The following KSR1 variants were observed in gnomAD, a reference collection of about 807,000 sequenced individuals.
KSR1 encodes the protein kinase suppressor of ras.
KSR1 carries 35 observed loss-of-function variants against 92.9 expected under a neutral mutation model. The observed-to-expected ratio is 0.38, with a 90% CI of 0.29 to 0.50. The LOEUF (loss-of-function observed/expected upper bound fraction) is 0.50. Ranked by LOEUF, KSR1 falls within the 20% of genes least tolerant of loss-of-function variation. KSR1 has a pLI of 0.94. For missense variants in KSR1, 972 were observed against 1,158.5 expected (o/e 0.84, Z 2.34); for synonymous variants, 467 against 472.6 (o/e 0.99, Z 0.15).
chr17:27,620,250 G>A (rs750255438), intron 19 of KSR1, among the ~76,000 whole-genome samples: 6 of 152,292 alleles, frequency 3.9e-5, no homozygotes, highest in African/African-American at 1.4e-4. Context: ...GTAATGGATC[G>A]TAGCCATAGA....
At chr17:27,576,638 A>G (rs1374889878) in intron 2 of KSR1, among the ~76,000 whole-genome samples, 5 of 152,158 alleles carry the variant, frequency 3.3e-5, no homozygotes, top group Non-Finnish European at 1.5e-5. Flanking sequence ...ACGCTGGACA[A>G]AGGGACAATT....
intron 2 of KSR1, among the ~76,000 whole-genome samples, chr17:27,553,774 C>T (rs1177272494): frequency 1.3e-5 from 2 of 152,240 alleles, no homozygotes; most frequent in Non-Finnish European, 2.9e-5. Context: ...AAAGAAAAGG[C>T]TATTTCCTTT....
At chr17:27,618,489 G>A (rs1461282928) in intron 19 of KSR1, among the ~76,000 whole-genome samples, 1 of 152,188 alleles carries the variant, frequency 6.6e-6, no homozygotes, top group African/African-American at 2.4e-5. Context: ...TGGCTGTAAG[G>A]GGCCAGGTGA....
Position 27,621,220 on chromosome 17 carries a change from A to T in KSR1, c.2655A>T (p.Lys885Asn), listed in dbSNP as rs2074214756. The T allele has an allele frequency of 5.0e-6, 2 of 398,648 alleles. No individual in the cohort carries two copies. Among genetic ancestry groups the T allele is most frequent in the Non-Finnish European group, 8.8e-6 (2 of 226,096 alleles). The allele number at this position is 398,648 out of a possible 1,614,324, so 24.7% of individuals were successfully genotyped here. Residue 885 changes from lysine to asparagine, a missense_variant, in exon 20 of 21, where the codon AAA becomes AAT. Lys to Asn is a moderately conservative substitution (Grantham distance 94). Transcript: ENST00000644974. ...GCTGGAGGAGCCGCTACTATGGAAA[A>T]GGACGCTACGGCCACCCTGACTTTA... ...ADRWRSRYYG[K>N]GRYGHPDFKS...
intron 18 of KSR1, among the ~76,000 whole-genome samples, chr17:27,617,069 A>G (rs1161042170): frequency 6.6e-6 from 1 of 152,158 alleles, no homozygotes; most frequent in Non-Finnish European, 1.5e-5. Flanking sequence ...TGGATCTAAG[A>G]AGGAAGGAGG....
rs60220711 is a variant in KSR1 at position 27,526,042 on chromosome 17, C to CTTTTCTTTTCTTTTCTTTTCT, written c.232-24523_232-24522insTCTTTTCTTTTCTTTTCTTTT. 1.1e-3 allele frequency among the ~76,000 whole-genome samples: 113 copies of CTTTTCTTTTCTTTTCTTTTCT among 105,322 alleles called. 1 individual carries two copies. Among genetic ancestry groups the CTTTTCTTTTCTTTTCTTTTCT allele is most frequent in the Non-Finnish European group, 1.6e-3 (90 of 56,252 alleles). The allele number at this position is 105,322 out of a possible 152,430, so 69.1% of individuals were successfully genotyped here. The stretch of plus-strand genomic sequence containing the variant: ...CTTTTCTTTTCTTTTCTTTTCTTTT[C>CTTTTCTTTTCTTTTCTTTTCT]TTTCTCTCTCTCTCTCTCTCTTTCT... On this transcript the variant is annotated intron_variant, in intron 1 of 20. Coordinates refer to ENST00000644974, the MANE Select transcript of KSR1 (RefSeq NM_001394583.1).
intron 2 of KSR1, among the ~76,000 whole-genome samples, chr17:27,554,134 T>C (rs2071503767): frequency 6.6e-6 from 1 of 152,212 alleles, no homozygotes; most frequent in Middle Eastern, 3.2e-3. Context: ...CAAACCCATG[T>C]CTGTCATGCA....
intron 5 of KSR1, 79 bp downstream of exon 5, chr17:27,585,740 T>C (rs1244098885): frequency 1.4e-6 from 1 of 726,190 alleles, no homozygotes; most frequent in African/African-American, 1.7e-5. Flanking sequence ...GGTGGACCTC[T>C]TTGACCCACC....
chr17:27,461,859 C>CCCGCTGGGTGTGTCTGGAGATGGACCA (rs2019460655), intron 1 of KSR1, among the ~76,000 whole-genome samples: 2 of 150,196 alleles, frequency 1.3e-5, no homozygotes, highest in Admixed American at 1.3e-4. Flanking sequence ...TATTCTACTC[C>CCCGCTGGGTGTGTCTGGAGATGGACCA]TGCCCGCTGG....
rs751786409 is a variant in KSR1, at chr17:27,459,289, G to T, written c.231+2415G>T. Among the ~76,000 whole-genome samples the T allele has an allele frequency of 4.6e-5, 7 of 152,214 alleles. No homozygotes were observed. Among genetic ancestry groups the T allele is most frequent in the Non-Finnish European group, 7.3e-5 (5 of 68,028 alleles). On this transcript the variant is annotated intron_variant, in intron 1 of 20. Coordinates refer to ENST00000644974, the MANE Select transcript of KSR1 (RefSeq NM_001394583.1). The surrounding 1 kb of genome is among the most constrained non-coding windows in gnomAD (Gnocchi z 4.6). ...AGAGTCTGCCTGGCAGCTGCCCCTA[G>T]TGAGGGTCCAGTAGCATTTATGGCA... is the stretch of plus-strand genomic sequence containing the variant.
chr17:27,467,538 A>G (rs945387297), intron 1 of KSR1, among the ~76,000 whole-genome samples: 1 of 152,206 alleles, frequency 6.6e-6, no homozygotes, highest in African/African-American at 2.4e-5. Flanking sequence ...AGAGATAGAC[A>G]TTATCTTGTG....
intron 1 of KSR1, among the ~76,000 whole-genome samples, chr17:27,502,638 G>C (rs1470887849): frequency 1.3e-5 from 2 of 152,252 alleles, no homozygotes; most frequent in Non-Finnish European, 2.9e-5. Context: ...CTCGGGGGCA[G>C]GCACTGGTTT....
chr17:27,541,758 A>C (rs1037622424), intron 1 of KSR1, among the ~76,000 whole-genome samples: 1 of 152,208 alleles, frequency 6.6e-6, no homozygotes, highest in Non-Finnish European at 1.5e-5. Flanking sequence ...TGGTTTCTTC[A>C]TTGTAAGATG....
chr17:27,606,200 G>T (rs2073746809), intron 14 of KSR1, among the ~76,000 whole-genome samples: 1 of 152,132 alleles, frequency 6.6e-6, no homozygotes, highest in Non-Finnish European at 1.5e-5. Flanking sequence ...GATCGCTTGA[G>T]CCCAGGAGGT....
In KSR1 at chr17:27,559,827, C is replaced by A. The variant is rs192519433; in HGVS notation, c.372+9119C>A. Among the ~76,000 whole-genome samples, 1 of 152,306 alleles carries A rather than the reference C, an allele frequency of 6.6e-6. No homozygotes were observed. The highest frequency in any genetic ancestry group is 1.9e-4 in the East Asian group (1 of 5,176). ...AGGAAATCAGAGCGCTTGTGAAGCG[C>A]GTGAGGAGGAGTCTGTGAGGAGGCT... On this transcript the variant is annotated intron_variant, in intron 2 of 20. Transcript: ENST00000644974. This position sits in a 1 kb window ranked among gnomAD's most constrained non-coding sequence, Gnocchi z 4.2.
chr17:27,477,349 TC>T, intron 1 of KSR1, among the ~76,000 whole-genome samples: 1 of 152,290 alleles, frequency 6.6e-6, no homozygotes, highest in South Asian at 2.1e-4. Context: ...ACGGAGTTGC[TC>T]TGGTTCACAT....
At chr17:27,551,057 A>G (rs770161006) in intron 2 of KSR1, among the ~76,000 whole-genome samples, 8 of 152,090 alleles carry the variant, frequency 5.3e-5, no homozygotes, top group Non-Finnish European at 1.2e-4. Flanking sequence ...CTTCTCATGA[A>G]CTCCTATAAG....
chr17:27,588,412 C>A, intron 5 of KSR1, 63 bp from the exon 6 acceptor site: 3 of 1,461,540 alleles, frequency 2.1e-6, no homozygotes, highest in South Asian at 2.6e-5. Flanking sequence ...ATTAGGAAGT[C>A]ATGGGCACGA....
intron 1 of KSR1, among the ~76,000 whole-genome samples, chr17:27,529,378 C>T (rs542647014): frequency 2.6e-4 from 40 of 152,184 alleles, no homozygotes; most frequent in Non-Finnish European, 2.9e-4. Flanking sequence ...GTTACACTTC[C>T]GTGAATAGGC....
Sources: gnomAD v4.1 joint callset for allele counts (sites outside exome capture counted in the v4.1 genomes callset) on GRCh38, gnomAD v4.1.1 for gene constraint, Gnocchi (gnomAD v3.1) non-coding constraint, MANE v1.5 for transcripts, NCBI Gene and HGNC (gene_info 2026-07-23, HGNC 2026-07-21) for gene names.